Variants in TNXB observed in about 807,000 individuals in gnomAD.
TNXB encodes the protein tenascin XB.
A neutral mutation model predicts 340.5 loss-of-function variants in TNXB; 183 were observed. The observed-to-expected ratio is 0.54, with a 90% CI of 0.48 to 0.61. The LOEUF (loss-of-function observed/expected upper bound fraction) is 0.61. TNXB is among the 20% of genes least tolerant of loss of function. The pLI, the probability that TNXB is intolerant of heterozygous loss-of-function variation, is 0.00. For missense variants in TNXB, 4,613 were observed against 5,446.4 expected (o/e 0.85, Z 4.82); for synonymous variants, 2,121 against 2,314.5 (o/e 0.92, Z 2.40).
rs374803743 is a variant in TNXB, at chr6:32,058,100, C to G, written c.7783G>C (p.Glu2595Gln). ...KYKMHLYGLH[E>Q]GRRLGPVSAV... ...GACACCGGGCCCAGGCGCCGCCCCT[C>G]GTGGAGGCCGTACAGGTGCATCTTG... Residue 2595 changes from glutamate (E) to glutamine (Q), a missense_variant, in exon 22 of 44, where the codon GAG becomes CAG. Glu to Gln is a conservative substitution (Grantham distance 29). Transcript: ENST00000644971. This position sits in a 1 kb window ranked among gnomAD's most constrained non-coding sequence, Gnocchi z 5.1. The G allele has an allele frequency of 3.1e-6, 5 of 1,612,176 alleles. No homozygotes were observed. Among genetic ancestry groups the G allele is most frequent in the Middle Eastern group, 1.7e-4 (1 of 5,928 alleles).
rs150256027 is a variant in TNXB at position 32,048,314 on chromosome 6, A to G, written c.10045+49T>C. The G allele has an allele frequency of 4.1e-4, 606 of 1,470,442 alleles. 10 individuals carry two copies. In the Admixed American group the frequency reaches 0.014, roughly 34 times the overall value. The allele number at this position is 1,470,442 out of a possible 1,614,324, so 91.1% of individuals were successfully genotyped here. A position where few individuals can be genotyped will look rare whatever the true frequency, so the allele number is the denominator to read the frequency against. On this transcript the variant is annotated intron_variant, in intron 29 of 43. Coordinates refer to ENST00000644971, the MANE Select transcript of TNXB (RefSeq NM_001365276.2). ...AGAACGTGAAATTCCAACAGGTGCC[A>G]CAAGGGGGCGAAGGCTCTGGCCGCG...
intron 1 of TNXB, among the ~76,000 whole-genome samples, chr6:32,104,116 C>T (rs3134954): frequency 0.9 from 137,662 of 152,214 alleles, 62,426 homozygotes; most frequent in African/African-American, 0.97. Context: ...GAGATGTGAC[C>T]AGAACGACCA....
In TNXB at chr6:32,087,550, G is replaced by A. The variant is rs750407959; in HGVS notation, c.2779+1235C>T. The stretch of plus-strand genomic sequence containing the variant: ...AGCCACCCGGTCGACGCCTTCAGGC[G>A]AGAGGCCGTAGATTCCCTGGTTGGA... On this transcript the variant is annotated intron_variant, in intron 6 of 43. Coordinates refer to ENST00000644971, the MANE Select transcript of TNXB (RefSeq NM_001365276.2). The surrounding 1 kb of genome is among the most constrained non-coding windows in gnomAD (Gnocchi z 9.0). 6.7e-6 allele frequency: 3 copies of A among 448,530 alleles called. No individual in the cohort carries two copies. Among genetic ancestry groups the A allele is most frequent in the South Asian group, 1.6e-5 (1 of 63,608 alleles). 27.8% of individuals were successfully genotyped at this position (448,530 alleles called of 1,614,324 possible).
rs768536654 is a variant in TNXB at position 32,085,810 on chromosome 6, G to C, written c.3088C>G (p.Leu1030Val). ...TTGCCCCCAGGAGGGACCCCATGAA[G>C]TGACAGCTCATACGGGGTTCCAGGA... ...PPPGTPYELS[L>V]HGVPPGGKPS... Residue 1030 changes from leucine to valine, a missense_variant, in exon 7 of 44, where the codon CTT becomes GTT. By Grantham distance (32) the Leu-to-Val change is conservative (BLOSUM62 1). Coordinates refer to ENST00000644971, the MANE Select transcript of TNXB (RefSeq NM_001365276.2). This position sits in a 1 kb window ranked among gnomAD's most constrained non-coding sequence, Gnocchi z 6.4. 6.3e-7 allele frequency: 1 copy of C among 1,596,694 alleles called. No individual in the cohort carries two copies. Among genetic ancestry groups the C allele is most frequent in the Non-Finnish European group, 8.5e-7 (1 of 1,171,598 alleles).
chr6:32,060,996 C>T (rs1050566137), intron 21 of TNXB, among the ~76,000 whole-genome samples: 4 of 151,936 alleles, frequency 2.6e-5, no homozygotes, highest in Non-Finnish European at 5.9e-5. Flanking sequence ...TAAAACATTT[C>T]AGTGGCGGCA....
chr6:32,056,619 G>A lies in TNXB; in HGVS notation c.8110C>T (p.Arg2704Cys), dbSNP rs747983319. The change falls in exon 23 of 44, where the codon CGC (arginine) becomes TGC (cysteine). Residue 2704 changes from arginine (R) to cysteine (C), a missense_variant. Coordinates refer to ENST00000644971, the MANE Select transcript of TNXB (RefSeq NM_001365276.2). ...MNLYGFHGGQ[R>C]VGPISVIGVT... ...CCAATGACAGAGATGGGGCCCACGC[G>A]CTGGCCACCGTGGAAGCCGTACAGG... is the stretch of plus-strand genomic sequence containing the variant. The A allele has an allele frequency of 1.8e-5, 29 of 1,612,930 alleles. No homozygotes were observed. Among genetic ancestry groups the A allele is most frequent in the Admixed American group, 3.3e-5 (2 of 60,010 alleles).
intron 33 of TNXB, 76 bp downstream of exon 33, chr6:32,044,305 G>A (rs1776681754): frequency 1.1e-5 from 5 of 472,386 alleles, no homozygotes; most frequent in South Asian, 4.4e-5. Flanking sequence ...CACCCCCACC[G>A]CTGGCTGAGG....
At position 32,084,865 on chromosome 6, in the gene TNXB, G is replaced by C. The variant is rs544951541; in HGVS notation, c.3149-156C>G. Among the ~76,000 whole-genome samples the C allele has an allele frequency of 1.1e-4, 17 of 152,280 alleles. No individual in the cohort carries two copies. Among genetic ancestry groups the C allele is most frequent in the African/African-American group, 4.1e-4 (17 of 41,544 alleles). On this transcript the variant is annotated intron_variant, in intron 7 of 43. Coordinates refer to ENST00000644971, the MANE Select transcript of TNXB (RefSeq NM_001365276.2). The surrounding 1 kb of genome is among the most constrained non-coding windows in gnomAD (Gnocchi z 5.5). ...CCCTCAGTGACTAGCTCTTCTGGAA[G>C]AGGGGCATTTCCCTCTCAATCTCTG...
At chr6:32,093,860 C>T (rs1212461028) in intron 4 of TNXB, among the ~76,000 whole-genome samples, 6 of 151,960 alleles carry the variant, frequency 3.9e-5, no homozygotes, top group East Asian at 1.9e-4. Flanking sequence ...GAGGCTGAGG[C>T]GGGCAGATCA....
intron 4 of TNXB, chr6:32,093,335 C>T (rs867377727): frequency 2.9e-6 from 2 of 690,206 alleles, no homozygotes; most frequent in East Asian, 5.4e-5. Flanking sequence ...ATAACAACAA[C>T]AAAAAAAGAT....
Position 32,084,679 on chromosome 6 carries a change from GA to G in TNXB, c.3178del (p.Ser1060GlnfsTer9). ...CAGCTCACCCAGGCGTGGTGGGCCT[GA>G]GGACTTCCCAGGCTTCTCCTCATCC... ...DKDEEKPGKS[S>X]GPPRLGELTV... is the part of the protein sequence containing the mutation. On this transcript the variant is annotated frameshift_variant, in exon 8 of 44. Transcript: ENST00000644971. LOFTEE classifies it high-confidence loss of function. The surrounding 1 kb of genome is among the most constrained non-coding windows in gnomAD (Gnocchi z 5.5). The G allele has an allele frequency of 6.3e-7, 1 of 1,586,030 alleles. No homozygotes were observed. The highest frequency in any genetic ancestry group is 8.6e-7 in the Non-Finnish European group (1 of 1,162,782).
intron 1 of TNXB, among the ~76,000 whole-genome samples, chr6:32,103,793 C>T (rs892893579): frequency 1.2e-4 from 18 of 148,840 alleles, no homozygotes; most frequent in Non-Finnish European, 1.8e-4. Flanking sequence ...TGCAGTGGCA[C>T]GATCTTGGCT....
In TNXB at chr6:32,062,366, C is replaced by T. The variant is rs1562815578; in HGVS notation, c.6959G>A (p.Ser2320Asn). Residue 2320 changes from serine (S) to asparagine (N), a missense_variant, in exon 20 of 44, where the codon AGC becomes AAC. Physicochemically the swap from Ser to Asn is conservative, Grantham distance 46. Transcript: ENST00000644971. The surrounding 1 kb of genome is among the most constrained non-coding windows in gnomAD (Gnocchi z 4.3). ...TVTDATPDSLSLSWTVPEGQF... is the reference protein window; with the variant it reads ...TVTDATPDSLNLSWTVPEGQF... ...TCCCTCGGGAACCGTCCAGGACAGGCTGAGGGAGTCAGGGGTCGCATCTGT... is the reference window on the plus strand; with the variant it reads ...TCCCTCGGGAACCGTCCAGGACAGGTTGAGGGAGTCAGGGGTCGCATCTGT... 6.2e-7 allele frequency: 1 copy of T among 1,613,470 alleles called. No individual in the cohort carries two copies. Among genetic ancestry groups the T allele is most frequent in the East Asian group, 2.2e-5 (1 of 44,878 alleles).
intron 26 of TNXB, among the ~76,000 whole-genome samples, chr6:32,050,630 C>T (rs1156638603): frequency 6.6e-6 from 1 of 151,994 alleles, no homozygotes; most frequent in Non-Finnish European, 1.5e-5. Flanking sequence ...CTGGGGTCTC[C>T]TCGCCATCTT....
chr6:32,108,494 G>T lies in TNXB; in HGVS notation c.-9+687C>A, dbSNP rs564120959. 6.6e-6 allele frequency among the ~76,000 whole-genome samples: 1 copy of T among 152,116 alleles called. No individual in the cohort carries two copies. Among genetic ancestry groups the T allele is most frequent in the South Asian group, 2.1e-4 (1 of 4,826 alleles). On this transcript the variant is annotated intron_variant, in intron 1 of 43. Transcript: ENST00000644971. The surrounding 1 kb of genome is among the most constrained non-coding windows in gnomAD (Gnocchi z 4.8). ...TCAGCCATCCCAGCCCTGCTGAACC[G>T]TGAGTCATGAGTGCAGAGCTCTGGC...
At position 32,082,672 on chromosome 6, in the gene TNXB, G is replaced by C. The variant is rs1779542907; in HGVS notation, c.3446-346C>G. Reference sequence around the variant, plus strand: ...GCCCTTTCACATCTCCATAGCCAGGGAAATCTTCCCAGTACAACCTCCACT... The same window carrying C: ...GCCCTTTCACATCTCCATAGCCAGGCAAATCTTCCCAGTACAACCTCCACT... On this transcript the variant is annotated intron_variant, in intron 8 of 43. Transcript: ENST00000644971. This position sits in a 1 kb window ranked among gnomAD's most constrained non-coding sequence, Gnocchi z 5.0. Among the ~76,000 whole-genome samples the C allele has an allele frequency of 6.6e-6, 1 of 152,150 alleles. No individual in the cohort carries two copies. The highest frequency in any genetic ancestry group is 6.5e-5 in the Admixed American group (1 of 15,284).
rs1776893209 is a variant in TNXB, at chr6:32,046,467, G to A, written c.10325-11C>T. On this transcript the variant is annotated splice_polypyrimidine_tract_variant and intron_variant, in intron 30 of 43. Transcript: ENST00000644971. The surrounding 1 kb of genome is among the most constrained non-coding windows in gnomAD (Gnocchi z 6.9). Reference sequence around the variant, plus strand: ...CCTTCTCCAGGGGAGCTGTGCAGAGGGAGGAGGGAAAGCTCTTAGTCACAT... The same window carrying A: ...CCTTCTCCAGGGGAGCTGTGCAGAGAGAGGAGGGAAAGCTCTTAGTCACAT... The A allele has an allele frequency of 1.3e-6, 2 of 1,555,762 alleles. No individual in the cohort carries two copies. Among genetic ancestry groups the A allele is most frequent in the Non-Finnish European group, 8.7e-7 (1 of 1,146,034 alleles).
In TNXB at chr6:32,081,194, T is replaced by G. The variant is rs1288609641; in HGVS notation, c.4042+174A>C. Among the ~76,000 whole-genome samples, 2 of 151,954 alleles carry G rather than the reference T, an allele frequency of 1.3e-5. No individual in the cohort carries two copies. Among genetic ancestry groups the G allele is most frequent in the African/African-American group, 4.8e-5 (2 of 41,358 alleles). ...AAGAGATGAGGAGGTGGAGGCTGGA[T>G]GAGGGGGACCTGGCATGCAGAGGAC... is the stretch of plus-strand genomic sequence containing the variant. On this transcript the variant is annotated intron_variant, in intron 10 of 43. Transcript: ENST00000644971. The surrounding 1 kb of genome is among the most constrained non-coding windows in gnomAD (Gnocchi z 5.1).
At chr6:32,098,268 T>C (rs1265890335) in intron 1 of TNXB, 62 bp from the exon 2 acceptor site, 3 of 1,350,954 alleles carry the variant, frequency 2.2e-6, no homozygotes, top group Non-Finnish European at 2.9e-6. Flanking sequence ...GAATCCCCCC[T>C]TCTCCAGCAC....
Sources: gnomAD v4.1 joint callset for allele counts (sites outside exome capture counted in the v4.1 genomes callset) on GRCh38, gnomAD v4.1.1 for gene constraint, Gnocchi (gnomAD v3.1) non-coding constraint, MANE v1.5 for transcripts, NCBI Gene and HGNC (gene_info 2026-07-23, HGNC 2026-07-21) for gene names.